KCNIP4: variants seen among roughly 807,000 people sequenced by gnomAD.
KCNIP4 encodes potassium voltage-gated channel interacting protein 4.
Under a neutral mutation model 34.0 loss-of-function variants are expected in KCNIP4, and 12 were observed. The observed-to-expected ratio is 0.35, with a 90% CI of 0.23 to 0.57. The LOEUF is 0.57. Ranked by LOEUF, KCNIP4 falls within the 20% of genes least tolerant of loss-of-function variation. The pLI is 0.83. For synonymous variants in KCNIP4, 124 were observed against 102.2 expected (o/e 1.21, Z -1.29); for missense variants, 238 against 311.7 (o/e 0.76, Z 1.78).
chr4:21,014,513 C>A (rs1229566835), intron 1 of KCNIP4, among the ~76,000 whole-genome samples: 1 of 152,148 alleles, frequency 6.6e-6, no homozygotes, highest in Non-Finnish European at 1.5e-5. Context: ...TAAAGAATAA[C>A]ATTCAAAATC....
chr4:21,647,279 T>C (rs1747092356), intron 1 of KCNIP4, among the ~76,000 whole-genome samples: 2 of 152,154 alleles, frequency 1.3e-5, no homozygotes, highest in African/African-American at 4.8e-5. Flanking sequence ...TATAAATAAA[T>C]GTTGCCAGAA....
At chr4:21,388,630 T>C (rs189173267) in intron 1 of KCNIP4, among the ~76,000 whole-genome samples, 1 of 152,256 alleles carries the variant, frequency 6.6e-6, no homozygotes, top group South Asian at 2.1e-4. Context: ...ATCTTTGCCC[T>C]CCAAAACATC....
intron 1 of KCNIP4, among the ~76,000 whole-genome samples, chr4:21,304,812 TTCA>T (rs1376297620): frequency 6.6e-6 from 1 of 152,170 alleles, no homozygotes; most frequent in Non-Finnish European, 1.5e-5. Context: ...CTAATAAGTA[TTCA>T]TCATATTTGC....
chr4:20,793,421 G>A (rs1008543057), intron 3 of KCNIP4, among the ~76,000 whole-genome samples: 2 of 152,150 alleles, frequency 1.3e-5, no homozygotes, highest in South Asian at 4.1e-4. Flanking sequence ...ACTAAGGAAA[G>A]ATTAGAAACA....
At chr4:21,861,297 A>G (rs1453676619) in intron 1 of KCNIP4, among the ~76,000 whole-genome samples, 1 of 152,204 alleles carries the variant, frequency 6.6e-6, no homozygotes, top group East Asian at 1.9e-4. Flanking sequence ...ATAATAATTC[A>G]ATTTAAAAAG....
chr4:21,306,337 G>A (rs1468750666), intron 1 of KCNIP4, among the ~76,000 whole-genome samples: 1 of 152,178 alleles, frequency 6.6e-6, no homozygotes, highest in Non-Finnish European at 1.5e-5. Flanking sequence ...ATGGGGTGAA[G>A]GTTATACCCA....
At chr4:21,796,264 T>C (rs951046210) in intron 1 of KCNIP4, among the ~76,000 whole-genome samples, 1 of 152,134 alleles carries the variant, frequency 6.6e-6, no homozygotes, top group Non-Finnish European at 1.5e-5. Context: ...CAATTATCTA[T>C]AGCACAGGTT....
At chr4:20,852,433 T>C (rs1721134886) in intron 2 of KCNIP4, among the ~76,000 whole-genome samples, 1 of 152,150 alleles carries the variant, frequency 6.6e-6, no homozygotes, top group African/African-American at 2.4e-5. Flanking sequence ...CATTCCTTTA[T>C]GATTAAAACT....
chr4:21,416,066 A>C (rs375347515), intron 1 of KCNIP4, among the ~76,000 whole-genome samples: 10 of 152,260 alleles, frequency 6.6e-5, no homozygotes, highest in East Asian at 5.8e-4. Context: ...AGCCATGTGC[A>C]TTATTCTGGG....
chr4:21,521,827 G>A (rs983513360), intron 1 of KCNIP4, among the ~76,000 whole-genome samples: 1 of 151,882 alleles, frequency 6.6e-6, no homozygotes, highest in Non-Finnish European at 1.5e-5. Flanking sequence ...GATGGAAGTT[G>A]TTTCAATGAT....
At chr4:21,568,390 G>A (rs1254942187) in intron 1 of KCNIP4, among the ~76,000 whole-genome samples, 8 of 152,128 alleles carry the variant, frequency 5.3e-5, no homozygotes, top group Admixed American at 6.6e-5. Flanking sequence ...CCTGATGGTT[G>A]ATATTGAGTG....
intron 1 of KCNIP4, among the ~76,000 whole-genome samples, chr4:21,328,681 C>T (rs1240615108): frequency 6.6e-6 from 1 of 152,232 alleles, no homozygotes; most frequent in Non-Finnish European, 1.5e-5. Flanking sequence ...GCAAGTTCCA[C>T]TGGTCCCAGA....
intron 1 of KCNIP4, among the ~76,000 whole-genome samples, chr4:20,985,408 G>A (rs554947444): frequency 1.4e-4 from 22 of 152,160 alleles, no homozygotes; most frequent in Non-Finnish European, 2.5e-4. Flanking sequence ...ACATCTCTAC[G>A]TGGTAGACAA....
chr4:21,868,946 A>C (rs1725593965), intron 1 of KCNIP4, among the ~76,000 whole-genome samples: 1 of 152,232 alleles, frequency 6.6e-6, no homozygotes, highest in Non-Finnish European at 1.5e-5. Flanking sequence ...ATTTGTTAAA[A>C]TGTTCTCACT....
At chr4:21,194,660 G>C (rs1755925467) in intron 1 of KCNIP4, among the ~76,000 whole-genome samples, 1 of 152,168 alleles carries the variant, frequency 6.6e-6, no homozygotes, top group South Asian at 2.1e-4. Flanking sequence ...TCTAGCTCAT[G>C]AGACCATCCC....
intron 1 of KCNIP4, among the ~76,000 whole-genome samples, chr4:20,957,185 C>T (rs1302432109): frequency 1.3e-5 from 2 of 152,294 alleles, no homozygotes; most frequent in South Asian, 2.1e-4. Context: ...ACGGGTACCT[C>T]GGTTTTCTTT....
intron 1 of KCNIP4, among the ~76,000 whole-genome samples, chr4:21,839,053 G>C (rs1723522888): frequency 6.6e-6 from 1 of 152,062 alleles, no homozygotes; most frequent in African/African-American, 2.4e-5. Flanking sequence ...CATTTAGAAG[G>C]AAATATGCCT....
At chr4:21,152,165 ATTGC>A (rs1450375922) in intron 1 of KCNIP4, among the ~76,000 whole-genome samples, 1 of 152,150 alleles carries the variant, frequency 6.6e-6, no homozygotes, top group Non-Finnish European at 1.5e-5. Context: ...AGGCAGGAGA[ATTGC>A]TTGAACCTGG....
chr4:20,840,529 A>T (rs2149470534), intron 3 of KCNIP4, among the ~76,000 whole-genome samples: 1 of 152,244 alleles, frequency 6.6e-6, no homozygotes, highest in South Asian at 2.1e-4. Flanking sequence ...AGTCCAAAAT[A>T]GGCCCATCAA....
Sources: allele counts gnomAD v4.1 joint callset (sites outside exome capture counted in the v4.1 genomes callset), GRCh38; gene constraint gnomAD v4.1.1; transcripts MANE v1.5; gene names NCBI Gene and HGNC (gene_info 2026-07-23, HGNC 2026-07-21).